Variants in MED1 observed in about 807,000 individuals in gnomAD.
The protein encoded by MED1 is mediator of RNA polymerase II transcription subunit 1.
A neutral mutation model predicts 121.3 loss-of-function variants in MED1; 17 were observed. That is an observed-to-expected ratio of 0.14 (90% CI 0.10 to 0.21). The LOEUF (loss-of-function observed/expected upper bound fraction) is 0.21. Ranked by LOEUF, MED1 falls within the 10% of genes least tolerant of loss-of-function variation. The probability of loss-of-function intolerance (pLI) is 1.00; values close to 1 mark genes in which losing one functional copy is unlikely to be tolerated. For synonymous variants in MED1, 661 were observed against 694.4 expected (o/e 0.95, Z 0.76); for missense variants, 1,558 against 1,919.4 (o/e 0.81, Z 3.52).
chr17:39,439,965 G>GGAAAGAAA (rs56794429), intron 5 of MED1, among the ~76,000 whole-genome samples: 3 of 101,456 alleles, frequency 3.0e-5, no homozygotes, highest in African/African-American at 1.1e-4. Flanking sequence ...AAGGAAAGAA[G>GGAAAGAAA]GAAAGAAAGA....
rs760654293 is a variant in MED1 at position 39,407,486 on chromosome 17, T to G, written c.4735A>C (p.Ile1579Leu). 31 of 1,595,794 alleles carry G rather than the reference T, an allele frequency of 1.9e-5. No homozygotes were observed. The highest frequency in any genetic ancestry group is 2.5e-5 in the Non-Finnish European group (29 of 1,171,468). The change falls in exon 17 of 17, where the codon ATT (isoleucine) becomes CTT (leucine). Residue 1579 changes from isoleucine to leucine, a missense_variant. Transcript: ENST00000300651. ...AGGAAATAAGGTTCCTAATTCCCAA[T>G]CAGGGCCACATCCATAAGATCATCA... ...EDDDLMDVAL[I>L]GN
At chr17:39,439,919 C>T (rs545125946) in intron 5 of MED1, among the ~76,000 whole-genome samples, 23 of 129,266 alleles carry the variant, frequency 1.8e-4, no homozygotes, top group African/African-American at 6.3e-4. Flanking sequence ...GGCGACAGAA[C>T]GAGACTCTGT....
intron 1 of MED1, among the ~76,000 whole-genome samples, chr17:39,448,343 A>G (rs2048748519): frequency 1.3e-5 from 2 of 151,300 alleles, no homozygotes; most frequent in African/African-American, 4.9e-5. Context: ...GCACTCCAGC[A>G]TGGGCAACAG....
chr17:39,413,912 TAAAAA>T (rs66489961), intron 16 of MED1, among the ~76,000 whole-genome samples: 1 of 69,852 alleles, frequency 1.4e-5, no homozygotes, highest in Non-Finnish European at 2.6e-5. Flanking sequence ...GTAATATCAT[TAAAAA>T]AAAAAAAAAA....
chr17:39,416,891 G>A (rs1282044310), intron 14 of MED1, among the ~76,000 whole-genome samples: 1 of 152,144 alleles, frequency 6.6e-6, no homozygotes, highest in African/African-American at 2.4e-5. Context: ...TTTAAAATTT[G>A]ACTAGATGTA....
In MED1 at chr17:39,406,449, G is replaced by A. The variant is rs1475046447; in HGVS notation, c.*1026C>T. 9 of 985,326 alleles carry A rather than the reference G, an allele frequency of 9.1e-6. No homozygotes were observed. The South Asian group carries it at 2.3e-4, about 26-fold the overall frequency. The allele number at this position is 985,326 out of a possible 1,614,324, so 61.0% of individuals were successfully genotyped here. ...GACTTTTGGCACATTGTGGAAGTAG[G>A]AGAACTATTAATCCTGTAATGGTTT... is the stretch of plus-strand genomic sequence containing the variant. On this transcript the variant is annotated 3_prime_UTR_variant, in exon 17 of 17. Coordinates refer to ENST00000300651, the MANE Select transcript of MED1 (RefSeq NM_004774.4).
chr17:39,451,189 G>C lies in MED1; in HGVS notation c.-127C>G. 20 of 1,079,366 alleles carry C rather than the reference G, an allele frequency of 1.9e-5. No homozygotes were observed. Among genetic ancestry groups the C allele is most frequent in the Non-Finnish European group, 2.6e-5 (19 of 731,666 alleles). 66.9% of individuals were successfully genotyped at this position (1,079,366 alleles called of 1,614,324 possible). ...CAGCAGTCCCTACTCTTCCCGGGAA[G>C]GATCAATCTGAAGTCCCCGGCGGCA... On this transcript the variant is annotated 5_prime_UTR_variant, in exon 1 of 17. Transcript: ENST00000300651.
Position 39,407,417 on chromosome 17 carries a change from A to G in MED1, c.*58T>C, listed in dbSNP as rs998953494. Reference sequence around the variant, plus strand: ...ACTCACCCCTTATGGTGGTTTGCCTATAAACTTATCAATAGTTTTTTTTCC... The same window carrying G: ...ACTCACCCCTTATGGTGGTTTGCCTGTAAACTTATCAATAGTTTTTTTTCC... On this transcript the variant is annotated 3_prime_UTR_variant, in exon 17 of 17. Coordinates refer to ENST00000300651, the MANE Select transcript of MED1 (RefSeq NM_004774.4). The G allele has an allele frequency of 1.3e-6, 2 of 1,526,136 alleles. No homozygotes were observed. The highest frequency in any genetic ancestry group is 1.4e-5 in the African/African-American group (1 of 72,100). 94.5% of individuals were successfully genotyped at this position (1,526,136 alleles called of 1,614,324 possible).
In MED1 at chr17:39,431,134, A is replaced by G. The variant is rs1160317643; in HGVS notation, c.630T>C (p.Tyr210=). 6.2e-7 allele frequency: 1 copy of G among 1,613,438 alleles called. No individual in the cohort carries two copies. Among genetic ancestry groups the G allele is most frequent in the Non-Finnish European group, 8.5e-7 (1 of 1,179,498 alleles). ...ACGTACCCCCACTCCTTGGTGTGAG[A>G]TAGCCAACACTTCCATGAAGAATCT... ...LDKILHGSVG[Y]LTPRSGGHLM... The change falls in exon 9 of 17, where the codon TAT becomes TAC. Residue 210 remains tyrosine, a synonymous_variant. Transcript: ENST00000300651.
In MED1 at chr17:39,443,576, A is replaced by G. The variant is rs1597874527; in HGVS notation, c.185T>C (p.Leu62Ser). Residue 62 changes from leucine to serine, a missense_variant, in exon 3 of 17, where the codon TTG becomes TCG. By Grantham distance (145) the Leu-to-Ser change is moderately radical. Coordinates refer to ENST00000300651, the MANE Select transcript of MED1 (RefSeq NM_004774.4). ...SGGHQHLVSC[L>S]ETLQKALKVT... ...TTTGAGAGCCTTCTGCAATGTCTCCAAACAGCTGACCAAATGTTGATGCCC... is the reference window on the plus strand; with the variant it reads ...TTTGAGAGCCTTCTGCAATGTCTCCGAACAGCTGACCAAATGTTGATGCCC... 1.2e-6 allele frequency: 2 copies of G among 1,613,986 alleles called. No individual in the cohort carries two copies. The highest frequency in any genetic ancestry group is 1.3e-5 in the African/African-American group (1 of 75,044).
intron 11 of MED1, 102 bp downstream of exon 11, chr17:39,424,525 A>G (rs898580877): frequency 8.3e-6 from 6 of 719,668 alleles, no homozygotes; most frequent in African/African-American, 1.8e-5. Context: ...CAAAAGGCCA[A>G]CCTCTAGAAA....
intron 10 of MED1, 73 bp from the exon 11 acceptor site, chr17:39,424,811 G>T: frequency 1.1e-6 from 1 of 870,146 alleles, no homozygotes; most frequent in Non-Finnish European, 1.9e-6. Context: ...GTTTTAAGAG[G>T]TTAATTTTTG....
intron 2 of MED1, among the ~76,000 whole-genome samples, chr17:39,447,560 A>T (rs1366552633): frequency 1.3e-5 from 2 of 152,188 alleles, no homozygotes; most frequent in Non-Finnish European, 2.9e-5. Flanking sequence ...ATCTCATTAT[A>T]TATTTGCAAA....
At position 39,409,253 on chromosome 17, in the gene MED1, T is replaced by C; in HGVS notation, c.2968A>G (p.Ser990Gly). 1 of 1,614,176 alleles carries C rather than the reference T, an allele frequency of 6.2e-7. No homozygotes were observed. Among genetic ancestry groups the C allele is most frequent in the Non-Finnish European group, 8.5e-7 (1 of 1,180,028 alleles). ...NSTLSGPGLD[S>G]KPGKRSRTPS... ...GTCCGACTGCGCTTCCCTGGTTTGC[T>C]GTCTAATCCGGGCCCCGAGAGAGTA... Residue 990 changes from serine (S) to glycine (G), a missense_variant, in exon 17 of 17, where the codon AGC (serine) becomes GGC (glycine). Around this residue, in one of 5 missense-constraint regions of MED1, gnomAD observed 793 missense variants for 898.2 expected, o/e 0.88. Coordinates refer to ENST00000300651, the MANE Select transcript of MED1 (RefSeq NM_004774.4).
At chr17:39,447,720 A>T (rs758758429) in intron 2 of MED1, 78 bp downstream of exon 2, 116 of 1,017,566 alleles carry the variant, frequency 1.1e-4, no homozygotes, top group Non-Finnish European at 1.6e-4. Flanking sequence ...TAGTATGAAC[A>T]CATCTACATG....
intron 13 of MED1, among the ~76,000 whole-genome samples, chr17:39,420,361 G>A (rs894000936): frequency 3.3e-5 from 5 of 151,362 alleles, no homozygotes; most frequent in Non-Finnish European, 2.9e-5. Flanking sequence ...CACCACGCCC[G>A]GCTAATTTTT....
intron 10 of MED1, among the ~76,000 whole-genome samples, chr17:39,424,969 T>A (rs2048501609): frequency 6.6e-6 from 1 of 152,128 alleles, no homozygotes; most frequent in Admixed American, 6.6e-5. Flanking sequence ...AAGCTCCACC[T>A]CCTGGGTTCA....
Position 39,407,296 on chromosome 17 carries a change from GTTTC to G in MED1, c.*175_*178del. 1.6e-6 allele frequency: 2 copies of G among 1,222,430 alleles called. No homozygotes were observed. The highest frequency in any genetic ancestry group is 2.0e-6 in the Non-Finnish European group (2 of 983,524). The allele number at this position is 1,222,430 out of a possible 1,614,324, so 75.7% of individuals were successfully genotyped here. On this transcript the variant is annotated 3_prime_UTR_variant, in exon 17 of 17. Coordinates refer to ENST00000300651, the MANE Select transcript of MED1 (RefSeq NM_004774.4). Reference sequence around the variant, plus strand: ...CTGGTAACCAGAATCAAACCCTGTGGTTTCTTTAATAGGGTCTGGATATGCCTTT... The same window carrying G: ...CTGGTAACCAGAATCAAACCCTGTGGTTTAATAGGGTCTGGATATGCCTTT...
chr17:39,448,356 C>T (rs1258676193), intron 1 of MED1, among the ~76,000 whole-genome samples: 2 of 150,024 alleles, frequency 1.3e-5, no homozygotes, highest in East Asian at 2.0e-4. Flanking sequence ...GGCAACAGAG[C>T]GAAACACTGT....
Sources: allele counts gnomAD v4.1 joint callset (sites outside exome capture counted in the v4.1 genomes callset), GRCh38; gene constraint gnomAD v4.1.1; regional missense constraint gnomAD v4.1.1; transcripts MANE v1.5; gene names NCBI Gene and HGNC (gene_info 2026-07-23, HGNC 2026-07-21).